WARS2: variants seen among roughly 807,000 people sequenced by gnomAD.
WARS2 encodes the protein tryptophan--tRNA ligase, mitochondrial.
WARS2 carries 28 observed loss-of-function variants against 36.5 expected under a neutral mutation model. The ratio of observed to expected loss-of-function variants is 0.77; its 90% CI spans 0.57 to 1.05. WARS2 has a LOEUF of 1.05. WARS2 is among the 50% of genes least tolerant of loss of function. The pLI, the probability that WARS2 is intolerant of heterozygous loss-of-function variation, is 0.00. For synonymous variants in WARS2, 174 were observed against 178.4 expected (o/e 0.98, Z 0.20); for missense variants, 435 against 456.8 (o/e 0.95, Z 0.44).
intron 1 of WARS2, among the ~76,000 whole-genome samples, chr1:119,121,612 T>C (rs890538629): frequency 2.0e-5 from 3 of 152,032 alleles, no homozygotes; most frequent in Admixed American, 1.3e-4. Context: ...AGAACAAATC[T>C]GGAGGCATCA....
At chr1:119,137,118 G>C (rs967909696) in intron 1 of WARS2, among the ~76,000 whole-genome samples, 45 of 152,254 alleles carry the variant, frequency 3.0e-4, no homozygotes, top group African/African-American at 9.9e-4. Context: ...GAAAAAACTA[G>C]TGAAATTTGA....
intron 1 of WARS2, among the ~76,000 whole-genome samples, chr1:119,117,155 C>T (rs1057072609): frequency 1.3e-5 from 2 of 152,120 alleles, no homozygotes; most frequent in Non-Finnish European, 2.9e-5. Context: ...TCACTGCCAG[C>T]TTTCCCCCAC....
intron 1 of WARS2, among the ~76,000 whole-genome samples, chr1:119,079,727 A>G (rs1025528028): frequency 6.6e-6 from 1 of 152,198 alleles, no homozygotes; most frequent in African/African-American, 2.4e-5. Context: ...CTAAGATGAT[A>G]GCCCTAAAAT....
intron 2 of WARS2, among the ~76,000 whole-genome samples, chr1:119,053,076 G>C (rs1649497889): frequency 6.6e-6 from 1 of 152,306 alleles, no homozygotes; most frequent in African/African-American, 2.4e-5. Context: ...CAAGGCAATG[G>C]GTGAGGACAT....
intron 1 of WARS2, among the ~76,000 whole-genome samples, chr1:119,116,779 G>A (rs944259557): frequency 2.6e-5 from 4 of 152,206 alleles, no homozygotes; most frequent in Non-Finnish European, 5.9e-5. Context: ...TCTCACAGAG[G>A]TCCTTGGAGA....
At chr1:119,044,124 C>T (rs1648597456) in intron 3 of WARS2, among the ~76,000 whole-genome samples, 1 of 152,168 alleles carries the variant, frequency 6.6e-6, no homozygotes, top group Non-Finnish European at 1.5e-5. Flanking sequence ...ATAAGACTCA[C>T]AGAAGATATC....
Position 119,140,650 on chromosome 1 carries a change from GA to G in WARS2, c.-7del. The G allele has an allele frequency of 1.2e-6, 2 of 1,611,108 alleles. No homozygotes were observed. Among genetic ancestry groups the G allele is most frequent in the Non-Finnish European group, 1.7e-6 (2 of 1,178,362 alleles). On this transcript the variant is annotated 5_prime_UTR_variant, in exon 1 of 6. Transcript: ENST00000235521. ...CGCATTGAGTGCAGCGCCATCTTGAGAAGGGCGGAGCCGTCTTGTTTGGAAT... is the reference window on the plus strand; with the variant it reads ...CGCATTGAGTGCAGCGCCATCTTGAGAGGGCGGAGCCGTCTTGTTTGGAAT...
chr1:119,074,489 A>G (rs1296174225), intron 2 of WARS2, among the ~76,000 whole-genome samples: 1 of 152,230 alleles, frequency 6.6e-6, no homozygotes, highest in Non-Finnish European at 1.5e-5. Context: ...TTTTATAGTA[A>G]CTGGATCTGT....
intron 1 of WARS2, among the ~76,000 whole-genome samples, chr1:119,124,443 T>C (rs1414881759): frequency 5.9e-5 from 9 of 152,128 alleles, no homozygotes; most frequent in Admixed American, 5.2e-4. Context: ...TGAGCCGAGA[T>C]AGTGCCACTG....
At chr1:119,109,902 TTTTTA>T in intron 1 of WARS2, among the ~76,000 whole-genome samples, 1 of 151,980 alleles carries the variant, frequency 6.6e-6, no homozygotes, top group South Asian at 2.1e-4. Context: ...TATTACACTT[TTTTTA>T]TTTTTCTACA....
At chr1:119,087,002 C>T (rs1157956352) in intron 1 of WARS2, among the ~76,000 whole-genome samples, 1 of 152,126 alleles carries the variant, frequency 6.6e-6, no homozygotes, top group East Asian at 1.9e-4. Context: ...GATTCTGAGA[C>T]TCTTAAACAT....
At chr1:119,071,034 T>C (rs892316009) in intron 2 of WARS2, among the ~76,000 whole-genome samples, 1 of 151,886 alleles carries the variant, frequency 6.6e-6, no homozygotes, top group Non-Finnish European at 1.5e-5. Context: ...AATACAAAAA[T>C]TGGCCAAGCT....
At chr1:119,048,145 A>C (rs2101140132) in intron 2 of WARS2, among the ~76,000 whole-genome samples, 1 of 152,368 alleles carries the variant, frequency 6.6e-6, no homozygotes, top group East Asian at 1.9e-4. Flanking sequence ...GGTAAATTGC[A>C]GTGGGCTGAC....
intron 1 of WARS2, among the ~76,000 whole-genome samples, chr1:119,078,759 T>C (rs1054258996): frequency 6.6e-6 from 1 of 152,186 alleles, no homozygotes; most frequent in East Asian, 1.9e-4. Context: ...TATTGTCTTA[T>C]TGTATGGCTG....
chr1:119,033,983 G>T, intron 5 of WARS2, 112 bp downstream of exon 5: 1 of 830,548 alleles, frequency 1.2e-6, no homozygotes, highest in South Asian at 1.7e-5. Context: ...AGATCCTGAA[G>T]CCTGTCTACA....
chr1:119,138,432 C>G (rs1319598161), intron 1 of WARS2, among the ~76,000 whole-genome samples: 1 of 152,046 alleles, frequency 6.6e-6, no homozygotes, highest in African/African-American at 2.4e-5. Flanking sequence ...TTTATGATTT[C>G]AAAACGTTTT....
At chr1:119,051,868 C>T (rs1649392016) in intron 2 of WARS2, among the ~76,000 whole-genome samples, 1 of 150,256 alleles carries the variant, frequency 6.7e-6, no homozygotes, top group African/African-American at 2.5e-5. Context: ...CAAGCATTCT[C>T]CTGCCTTACC....
chr1:119,085,128 T>G, intron 1 of WARS2: 1 of 783,410 alleles, frequency 1.3e-6, no homozygotes, highest in Non-Finnish European at 2.4e-6. Context: ...ACGCCCGTTG[T>G]ACGGGCTAGA....
At chr1:119,057,758 C>A (rs1649964225) in intron 2 of WARS2, among the ~76,000 whole-genome samples, 1 of 151,740 alleles carries the variant, frequency 6.6e-6, no homozygotes, top group Admixed American at 6.6e-5. Context: ...CCACTGCACT[C>A]CAGCCTGGAT....
Sources: allele counts gnomAD v4.1 joint callset (sites outside exome capture counted in the v4.1 genomes callset), GRCh38; gene constraint gnomAD v4.1.1; transcripts MANE v1.5; gene names NCBI Gene and HGNC (gene_info 2026-07-23, HGNC 2026-07-21).